The following ITPK1 variants were observed in gnomAD, a reference collection of about 807,000 sequenced individuals.
ITPK1 encodes inositol 1,3,4-trisphosphate 5/6-kinase.
Under a neutral mutation model 45.3 loss-of-function variants are expected in ITPK1, and 21 were observed. The ratio of observed to expected loss-of-function variants is 0.46; its 90% CI spans 0.33 to 0.67. The LOEUF (loss-of-function observed/expected upper bound fraction) is 0.67. ITPK1 is among the 30% of genes least tolerant of loss of function. The pLI is 0.02. For synonymous variants in ITPK1, 258 were observed against 253.6 expected, an observed-to-expected ratio of 1.02 and a Z score of -0.16; for missense variants, 474 against 573.5, an observed-to-expected ratio of 0.83 and a Z score of 1.77.
chr14:93,092,643 G>A (rs566600327), intron 2 of ITPK1, among the ~76,000 whole-genome samples: 3 of 152,368 alleles, frequency 2.0e-5, no homozygotes, highest in Non-Finnish European at 2.9e-5. Flanking sequence ...CTTGGAAGAC[G>A]AGAGTAGTAC....
chr14:92,941,260 C>A lies in ITPK1; in HGVS notation c.*301G>T, dbSNP rs1401418832. On this transcript the variant is annotated 3_prime_UTR_variant, in exon 11 of 11. Coordinates refer to ENST00000267615, the MANE Select transcript of ITPK1 (RefSeq NM_014216.6). ...CACTGGCATGGCAGCCATACGCACA[C>A]CCCTCACCTCCCATCCAGACCTAGT... The A allele has an allele frequency of 2.2e-6, 3 of 1,367,486 alleles. No individual in the cohort carries two copies. In the Admixed American group the frequency reaches 1.0e-4, roughly 46 times the overall value. 84.7% of individuals were successfully genotyped at this position (1,367,486 alleles called of 1,614,324 possible).
chr14:92,948,124 G>A (rs1595076841), intron 9 of ITPK1, among the ~76,000 whole-genome samples: 2 of 152,092 alleles, frequency 1.3e-5, no homozygotes, highest in African/African-American at 4.8e-5. Flanking sequence ...CCATTTCTAC[G>A]GAATATCTAG....
At position 93,076,692 on chromosome 14, in the gene ITPK1, G is replaced by T. The variant is rs1891234817; in HGVS notation, c.96-73C>A. ...ACGTCCTTTCCGAAGGTTCCCGACA[G>T]CCGGCTGAGGGCAGGACCATGAGAG... On this transcript the variant is annotated intron_variant, in intron 2 of 10. Transcript: ENST00000267615. The surrounding 1 kb of genome is among the most constrained non-coding windows in gnomAD (Gnocchi z 4.3). The T allele has an allele frequency of 2.5e-6, 4 of 1,584,116 alleles. No homozygotes were observed. The highest frequency in any genetic ancestry group is 3.5e-4 in the Middle Eastern group (2 of 5,708).
intron 2 of ITPK1, among the ~76,000 whole-genome samples, chr14:93,107,205 G>T (rs1012941438): frequency 6.6e-6 from 1 of 152,088 alleles, no homozygotes; most frequent in Non-Finnish European, 1.5e-5. Context: ...CAATCTGCCC[G>T]CCTCAGCCTC....
intron 4 of ITPK1, among the ~76,000 whole-genome samples, chr14:93,000,496 T>C (rs12590523): frequency 0.064 from 9,767 of 152,234 alleles, 478 homozygotes; most frequent in East Asian, 0.23. Context: ...TGAGAGGCAA[T>C]GTGACTGGCT....
At chr14:93,106,188 C>G (rs1487156750) in intron 2 of ITPK1, among the ~76,000 whole-genome samples, 3 of 148,798 alleles carry the variant, frequency 2.0e-5, no homozygotes, top group African/African-American at 7.3e-5. Flanking sequence ...CCCACCACCC[C>G]ACAGCCCAGA....
At chr14:92,998,183 G>A (rs1298712531) in intron 4 of ITPK1, among the ~76,000 whole-genome samples, 2 of 152,226 alleles carry the variant, frequency 1.3e-5, no homozygotes, top group Non-Finnish European at 2.9e-5. Flanking sequence ...TGGGCATCAT[G>A]GAGATCATGG....
chr14:92,985,498 TATA>T (rs1022159053), intron 5 of ITPK1, among the ~76,000 whole-genome samples: 3 of 151,638 alleles, frequency 2.0e-5, no homozygotes, highest in African/African-American at 7.3e-5. Context: ...TGAACTTTAT[TATA>T]ATAAATCTAC....
chr14:93,095,452 G>A (rs915076942), intron 2 of ITPK1, among the ~76,000 whole-genome samples: 2 of 152,118 alleles, frequency 1.3e-5, no homozygotes, highest in Non-Finnish European at 2.9e-5. Context: ...TCCAAAGCCA[G>A]CTTCTGGGCC....
At chr14:93,073,458 G>C (rs1277727574) in intron 3 of ITPK1, among the ~76,000 whole-genome samples, 1 of 152,228 alleles carries the variant, frequency 6.6e-6, no homozygotes, top group Non-Finnish European at 1.5e-5. Context: ...ACACACAAAT[G>C]CTTCCTTAAA....
chr14:92,996,108 G>A (rs1243686151), intron 4 of ITPK1, among the ~76,000 whole-genome samples: 2 of 152,170 alleles, frequency 1.3e-5, no homozygotes, highest in African/African-American at 4.8e-5. Context: ...ATAGCTGGGT[G>A]CAGTGGCACA....
intron 7 of ITPK1, among the ~76,000 whole-genome samples, chr14:92,961,750 C>T (rs919254093): frequency 3.3e-5 from 5 of 152,232 alleles, no homozygotes; most frequent in African/African-American, 7.2e-5. Flanking sequence ...AGAATTCCTA[C>T]GCTGAAGCCC....
intron 6 of ITPK1, 43 bp downstream of exon 6, chr14:92,962,708 G>C (rs751896070): frequency 6.9e-7 from 1 of 1,448,038 alleles, no homozygotes; most frequent in South Asian, 1.1e-5. Flanking sequence ...CTGGCCTGCG[G>C]TCTACAGCGC....
chr14:93,038,483 T>C (rs1889413406), intron 3 of ITPK1, among the ~76,000 whole-genome samples: 2 of 152,246 alleles, frequency 1.3e-5, no homozygotes, highest in South Asian at 4.1e-4. Context: ...ATCCATATAC[T>C]CTCTTTTGGA....
rs1397898727 is a variant in ITPK1, at chr14:92,939,588, GCCCCGC to G, written c.*1967_*1972del. The G allele has an allele frequency of 1.4e-6, 1 of 703,720 alleles. No individual in the cohort carries two copies. The highest frequency in any genetic ancestry group is 1.7e-6 in the Non-Finnish European group (1 of 572,872). The allele number at this position is 703,720 out of a possible 1,614,324, so 43.6% of individuals were successfully genotyped here. On this transcript the variant is annotated 3_prime_UTR_variant, in exon 11 of 11. Transcript: ENST00000267615. ...AATGCAGCTGCCCTGCACACCCACA[GCCCCGC>G]CCCCGCCCCACCACGGAGGCCTATG...
chr14:93,049,301 G>A lies in ITPK1; in HGVS notation c.120+27294C>T, dbSNP rs544191650. On this transcript the variant is annotated intron_variant, in intron 3 of 10. Coordinates refer to ENST00000267615, the MANE Select transcript of ITPK1 (RefSeq NM_014216.6). ...TGCAGGGCTCTGTGCTAAGTACCAA[G>A]GTGAGTGCCTGCGAGGAGCCCACAG... 3.6e-4 allele frequency among the ~76,000 whole-genome samples: 55 copies of A among 152,332 alleles called. No individual in the cohort carries two copies. In the South Asian group the frequency reaches 4.6e-3, roughly 13 times the overall value.
chr14:92,961,220 CCCAGGCAGTGCTGTGT>C (rs1277687134), intron 7 of ITPK1, among the ~76,000 whole-genome samples: 1 of 152,226 alleles, frequency 6.6e-6, no homozygotes, highest in African/African-American at 2.4e-5. Context: ...CTGGGGAGAC[CCCAGGCAGTGCTGTGT>C]CCAGGGCAAA....
intron 3 of ITPK1, among the ~76,000 whole-genome samples, chr14:93,028,581 A>G (rs1888866675): frequency 6.6e-6 from 1 of 152,200 alleles, no homozygotes; most frequent in South Asian, 2.1e-4. Flanking sequence ...TCACTGGTAC[A>G]ATACAGCCGA....
chr14:93,106,470 G>A (rs1159396312), intron 2 of ITPK1, among the ~76,000 whole-genome samples: 1 of 152,150 alleles, frequency 6.6e-6, no homozygotes, highest in African/African-American at 2.4e-5. Context: ...AAGGCTTATG[G>A]TAGAGGCCAG....
Sources: gnomAD v4.1 joint callset for allele counts (sites outside exome capture counted in the v4.1 genomes callset) on GRCh38, gnomAD v4.1.1 for gene constraint, Gnocchi (gnomAD v3.1) non-coding constraint, MANE v1.5 for transcripts, NCBI Gene and HGNC (gene_info 2026-07-23, HGNC 2026-07-21) for gene names.